ZFAND6: variants seen among roughly 807,000 people sequenced by gnomAD.
ZFAND6 encodes the protein zinc finger AN1-type containing 6.
ZFAND6 carries 12 observed loss-of-function variants against 24.5 expected under a neutral mutation model. The ratio of observed to expected loss-of-function variants is 0.49; its 90% CI spans 0.31 to 0.79. ZFAND6 has a LOEUF of 0.79. Among genes scored for constraint, ZFAND6 ranks in the 30% least tolerant of loss-of-function variants. The pLI is 0.04. For missense variants in ZFAND6, 207 were observed against 245.9 expected (o/e 0.84, Z 1.06); for synonymous variants, 92 against 81.5 (o/e 1.13, Z -0.69).
Position 80,073,658 on chromosome 15 carries a change from A to G in ZFAND6, c.-181+13849A>G, listed in dbSNP as rs193194230. Among the ~76,000 whole-genome samples the G allele has an allele frequency of 8.2e-4, 125 of 152,016 alleles. 1 individual carries two copies. The highest frequency in any genetic ancestry group is 6.8e-3 in the Middle Eastern group (2 of 294). ...TGAAATCAAGAAAAGTTACCTATCTACCCACCAGCAGATCATTGTTTGGTC... is the reference window on the plus strand; with the variant it reads ...TGAAATCAAGAAAAGTTACCTATCTGCCCACCAGCAGATCATTGTTTGGTC... On this transcript the variant is annotated intron_variant, in intron 1 of 6. Coordinates refer to ENST00000261749, the MANE Select transcript of ZFAND6 (RefSeq NM_019006.4).
intron 6 of ZFAND6, among the ~76,000 whole-genome samples, chr15:80,132,176 A>G (rs1290331065): frequency 9.2e-5 from 14 of 152,242 alleles, no homozygotes; most frequent in Non-Finnish European, 1.6e-4. Context: ...GGGTCCACTT[A>G]GAGTTTTTTC....
chr15:80,133,747 C>G (rs1035554495), intron 6 of ZFAND6, among the ~76,000 whole-genome samples: 1 of 152,114 alleles, frequency 6.6e-6, no homozygotes, highest in African/African-American at 2.4e-5. Flanking sequence ...AGGAGGAGAT[C>G]GTCTAACTTT....
chr15:80,118,955 CA>C (rs2040022361), intron 2 of ZFAND6, among the ~76,000 whole-genome samples: 1 of 152,186 alleles, frequency 6.6e-6, no homozygotes, highest in African/African-American at 2.4e-5. Flanking sequence ...AAGGAAATTT[CA>C]GTGGCAAAAC....
chr15:80,107,625 G>A (rs905018190), intron 2 of ZFAND6, among the ~76,000 whole-genome samples: 5 of 152,138 alleles, frequency 3.3e-5, no homozygotes, highest in African/African-American at 1.2e-4. Context: ...AGGAGTTCAA[G>A]ACCAGTCTGG....
chr15:80,060,747 C>T (rs2036285842), intron 1 of ZFAND6: 1 of 152,234 alleles, frequency 6.6e-6, no homozygotes, highest in African/African-American at 2.4e-5. Context: ...CATGGTGAAA[C>T]CCTGTCTTTA....
chr15:80,117,824 T>C (rs1341558041), intron 2 of ZFAND6, among the ~76,000 whole-genome samples: 1 of 146,618 alleles, frequency 6.8e-6, no homozygotes, highest in East Asian at 2.1e-4. Flanking sequence ...TTTGGCCCCT[T>C]GATAAGGCTT....
chr15:80,135,424 G>A lies in ZFAND6; in HGVS notation c.479-2056G>A, dbSNP rs139927154. ...TGCCTAAATCTGGCATCCTTTAAGAGTCAACTGTACTGTGGTTAGTTGGAA... is the reference window on the plus strand; with the variant it reads ...TGCCTAAATCTGGCATCCTTTAAGAATCAACTGTACTGTGGTTAGTTGGAA... On this transcript the variant is annotated intron_variant, in intron 6 of 6. Transcript: ENST00000261749. Among the ~76,000 whole-genome samples, 4 of 152,342 alleles carry A rather than the reference G, an allele frequency of 2.6e-5. No individual in the cohort carries two copies. The East Asian group carries it at 7.7e-4, about 29-fold the overall frequency.
chr15:80,131,087 G>A lies in ZFAND6; in HGVS notation c.365-93G>A, dbSNP rs113840928. 2.5e-3 allele frequency: 2,354 copies of A among 923,876 alleles called. 12 individuals carry two copies. The highest frequency in any genetic ancestry group is 0.022 in the African/African-American group (1,305 of 60,646). 57.2% of individuals were successfully genotyped at this position (923,876 alleles called of 1,614,324 possible). A position where few individuals can be genotyped will look rare whatever the true frequency, so the allele number is the denominator to read the frequency against. On this transcript the variant is annotated intron_variant, in intron 5 of 6. Transcript: ENST00000261749. The stretch of plus-strand genomic sequence containing the variant: ...GTTTTCTGTGCTAATAAATTCCTCA[G>A]TATCCTCTGAATAATAGACTAGGGA...
At chr15:80,109,018 G>A (rs538347068) in intron 2 of ZFAND6, among the ~76,000 whole-genome samples, 2 of 152,220 alleles carry the variant, frequency 1.3e-5, no homozygotes, top group African/African-American at 2.4e-5. Flanking sequence ...GTGAGCCACC[G>A]CGCCTGCAGG....
rs2142031573 is a variant in ZFAND6, at chr15:80,125,683, A to C, written c.364+2883A>C. ...TTCCAGTTCACAAATGCTAGCTTTTAAAAGAACTACTTTAAGCATTTTGGT... is the reference window on the plus strand; with the variant it reads ...TTCCAGTTCACAAATGCTAGCTTTTCAAAGAACTACTTTAAGCATTTTGGT... On this transcript the variant is annotated intron_variant, in intron 5 of 6. Coordinates refer to ENST00000261749, the MANE Select transcript of ZFAND6 (RefSeq NM_019006.4). 2.0e-5 allele frequency among the ~76,000 whole-genome samples: 3 copies of C among 152,362 alleles called. No individual in the cohort carries two copies. In the Middle Eastern group the frequency reaches 0.01, roughly 518 times the overall value.
intron 1 of ZFAND6, among the ~76,000 whole-genome samples, chr15:80,075,641 C>T (rs1174354336): frequency 6.6e-6 from 1 of 151,926 alleles, no homozygotes; most frequent in Non-Finnish European, 1.5e-5. Flanking sequence ...ATTTTTTTCC[C>T]TCCAAATAAT....
At chr15:80,130,577 C>A (rs555704846) in intron 5 of ZFAND6, 1 of 152,212 alleles carries the variant, frequency 6.6e-6, no homozygotes, top group South Asian at 2.1e-4. Flanking sequence ...TAATTTAACC[C>A]GAATCTTGGT....
At chr15:80,079,134 G>A (rs755101271) in intron 1 of ZFAND6, among the ~76,000 whole-genome samples, 1 of 150,016 alleles carries the variant, frequency 6.7e-6, no homozygotes, top group Non-Finnish European at 1.5e-5. Context: ...TTTCTTGCTT[G>A]TTGAATTCTG....
intron 2 of ZFAND6, among the ~76,000 whole-genome samples, chr15:80,109,831 AT>A (rs976779017): frequency 6.6e-6 from 1 of 152,186 alleles, no homozygotes; most frequent in African/African-American, 2.4e-5. Context: ...CTAACCCAAA[AT>A]TCACTGGCTT....
chr15:80,135,660 G>A (rs1238560258), intron 6 of ZFAND6, among the ~76,000 whole-genome samples: 2 of 152,260 alleles, frequency 1.3e-5, no homozygotes. Flanking sequence ...TCAAGATCAG[G>A]TATGGTGGCT....
intron 1 of ZFAND6, chr15:80,060,202 C>T (rs533403385): frequency 9.9e-5 from 15 of 152,016 alleles, no homozygotes; most frequent in Admixed American, 6.5e-4. Context: ...GGAAGGGCCC[C>T]GGGCACACTG....
intron 1 of ZFAND6, among the ~76,000 whole-genome samples, chr15:80,076,266 A>C (rs2037269724): frequency 6.6e-6 from 1 of 152,164 alleles, no homozygotes; most frequent in African/African-American, 2.4e-5. Flanking sequence ...AAGTCACAGC[A>C]AATGGGTGAT....
chr15:80,120,267 G>C, intron 2 of ZFAND6, 61 bp from the exon 3 acceptor site: 1 of 1,333,126 alleles, frequency 7.5e-7, no homozygotes, highest in African/African-American at 1.5e-5. Flanking sequence ...AAGCAGTTTT[G>C]GATAATGTGT....
At chr15:80,075,215 A>T (rs2037202568) in intron 1 of ZFAND6, 2 of 172,452 alleles carry the variant, frequency 1.2e-5, no homozygotes, top group Admixed American at 1.3e-4. Context: ...AAAATTAAAA[A>T]TTTTCCATAT....
Sources: gnomAD v4.1 joint callset for allele counts (sites outside exome capture counted in the v4.1 genomes callset) on GRCh38, gnomAD v4.1.1 for gene constraint, MANE v1.5 for transcripts, NCBI Gene and HGNC (gene_info 2026-07-23, HGNC 2026-07-21) for gene names.